Variants in STARD8 observed in about 807,000 individuals in gnomAD.
The protein encoded by STARD8 is stAR-related lipid transfer protein 8.
In STARD8, 25 loss-of-function variants were observed where a neutral mutation model predicts 69.4. The ratio of observed to expected loss-of-function variants is 0.36; its 90% CI spans 0.26 to 0.50. The LOEUF (loss-of-function observed/expected upper bound fraction) is 0.50. STARD8 is among the 20% of genes least tolerant of loss of function. The pLI, the probability that STARD8 is intolerant of heterozygous loss-of-function variation, is 0.96. For missense variants in STARD8, 921 were observed against 932.5 expected (o/e 0.99, Z 0.16); for synonymous variants, 389 against 374.6 (o/e 1.04, Z -0.45).
chrX:68,705,635 C>T lies in STARD8; in HGVS notation c.80-7279C>T, dbSNP rs769537929. The stretch of plus-strand genomic sequence containing the variant: ...GGGAGGGTGGGCTGCCCAGAGGGGC[C>T]GGAGGCCCCAGATAAGGCAGAGGCC... On this transcript the variant is annotated intron_variant, in intron 2 of 14. Coordinates refer to ENST00000374599, the MANE Select transcript of STARD8 (RefSeq NM_001142503.3). 1.8e-3 allele frequency among the ~76,000 whole-genome samples: 197 copies of T among 112,503 alleles called. 2 individuals carry two copies. Among genetic ancestry groups the T allele is most frequent in the Non-Finnish European group, 6.4e-4 (34 of 53,210 alleles).
In STARD8 at chrX:68,722,424, G is replaced by A. The variant is rs760937218; in HGVS notation, c.2577G>A (p.Val859=). The A allele has an allele frequency of 6.7e-6, 8 of 1,193,460 alleles. No individual in the cohort carries two copies. The East Asian group carries it at 2.4e-4, about 36-fold the overall frequency. ...CCATTGTGTGTGTGCCCTCTCAGGTGCCCCAGGACATGGTGCTGCAGCTGT... is the reference window on the plus strand; with the variant it reads ...CCATTGTGTGTGTGCCCTCTCAGGTACCCCAGGACATGGTGCTGCAGCTGT... ...MISDCKKLFQ[V]PQDMVLQLCS... is the part of the protein sequence containing the mutation. Residue 859 remains valine, a splice_region_variant and synonymous_variant, in exon 12 of 15, where the codon GTG becomes GTA. Coordinates refer to ENST00000374599, the MANE Select transcript of STARD8 (RefSeq NM_001142503.3).
intron 2 of STARD8, among the ~76,000 whole-genome samples, chrX:68,666,265 T>G (rs2079682537): frequency 8.9e-6 from 1 of 112,311 alleles, no homozygotes; most frequent in African/African-American, 3.2e-5. Context: ...TGGTATCAGC[T>G]GGGCTTTGCT....
rs2080184791 is a variant in STARD8 at position 68,724,694 on chromosome X, G to C, written c.*272G>C. 2 of 258,812 alleles carry C rather than the reference G, an allele frequency of 7.7e-6. No individual in the cohort carries two copies. The highest frequency in any genetic ancestry group is 1.4e-5 in the Non-Finnish European group (2 of 146,622). The allele number at this position is 258,812 out of a possible 1,213,427, so 21.3% of individuals were successfully genotyped here. On this transcript the variant is annotated 3_prime_UTR_variant, in exon 15 of 15. Coordinates refer to ENST00000374599, the MANE Select transcript of STARD8 (RefSeq NM_001142503.3). ...AGAGAATCGCATGAGTAGCAAGACTGCTGCCACCAGCCACCTGCTTGTGAG... is the reference window on the plus strand; with the variant it reads ...AGAGAATCGCATGAGTAGCAAGACTCCTGCCACCAGCCACCTGCTTGTGAG...
Position 68,724,457 on chromosome X carries a change from C to T in STARD8, c.*35C>T, listed in dbSNP as rs1310991084. On this transcript the variant is annotated 3_prime_UTR_variant, in exon 15 of 15. Transcript: ENST00000374599. Reference sequence around the variant, plus strand: ...TGGTCCCAGGGTGGCACCACCCAGGCCCCCTGGGCACCAAGGGAGCGAGGG... The same window carrying T: ...TGGTCCCAGGGTGGCACCACCCAGGTCCCCTGGGCACCAAGGGAGCGAGGG... 4.5e-6 allele frequency: 5 copies of T among 1,117,196 alleles called. No homozygotes were observed. The highest frequency in any genetic ancestry group is 6.1e-6 in the Non-Finnish European group (5 of 818,009). 92.1% of individuals were successfully genotyped at this position (1,117,196 alleles called of 1,213,427 possible). A position where few individuals can be genotyped will look rare whatever the true frequency, so the allele number is the denominator to read the frequency against.
chrX:68,699,225 G>A (rs1292079327), intron 2 of STARD8, among the ~76,000 whole-genome samples: 1 of 111,501 alleles, frequency 9.0e-6, no homozygotes, highest in Non-Finnish European at 1.9e-5. Context: ...TCACCTTTAT[G>A]CTCTCTCCCA....
rs777468588 is a variant in STARD8 at position 68,721,973 on chromosome X, G to C, written c.2460-74G>C. On this transcript the variant is annotated intron_variant, in intron 10 of 14. Coordinates refer to ENST00000374599, the MANE Select transcript of STARD8 (RefSeq NM_001142503.3). ...TGGCAAAGTGGCTTCCTGGCAGCTAGAAGGCAGCCTGTCTGCCATCTTGTC... is the reference window on the plus strand; with the variant it reads ...TGGCAAAGTGGCTTCCTGGCAGCTACAAGGCAGCCTGTCTGCCATCTTGTC... 1.6e-4 allele frequency: 165 copies of C among 1,005,967 alleles called. 1 individual carries two copies. In the African/African-American group the frequency reaches 2.9e-3, roughly 18 times the overall value. The allele number at this position is 1,005,967 out of a possible 1,213,427, so 82.9% of individuals were successfully genotyped here.
chrX:68,722,277 T>C (rs2080156759), intron 11 of STARD8, 116 bp downstream of exon 11: 1 of 810,432 alleles, frequency 1.2e-6, no homozygotes, highest in South Asian at 2.6e-5. Flanking sequence ...CTCAAGCTTA[T>C]ACCCCCAACT....
At chrX:68,714,450 C>T (rs939548689) in intron 3 of STARD8, among the ~76,000 whole-genome samples, 8 of 111,997 alleles carry the variant, frequency 7.1e-5, no homozygotes, top group Non-Finnish European at 1.1e-4. Context: ...GGACTCAGCT[C>T]GGATGTCACT....
At chrX:68,693,457 G>A (rs967182125) in intron 2 of STARD8, among the ~76,000 whole-genome samples, 1 of 112,794 alleles carries the variant, frequency 8.9e-6, no homozygotes, top group African/African-American at 3.2e-5. Context: ...CTCCCTGGCA[G>A]CGGTGTGACC....
intron 1 of STARD8, among the ~76,000 whole-genome samples, chrX:68,652,842 C>CA (rs1280284265): frequency 7.7e-5 from 3 of 38,893 alleles, no homozygotes; most frequent in South Asian, 1.7e-3. Flanking sequence ...CCCACACACA[C>CA]CCCCACACAC....
At chrX:68,659,447 A>G (rs949430559) in intron 1 of STARD8, among the ~76,000 whole-genome samples, 4 of 111,276 alleles carry the variant, frequency 3.6e-5, no homozygotes, top group Non-Finnish European at 7.5e-5. Flanking sequence ...CAATTTCCTC[A>G]TTCCTTCTAT....
At chrX:68,680,589 T>C (rs139139319) in intron 2 of STARD8, among the ~76,000 whole-genome samples, 5 of 112,352 alleles carry the variant, frequency 4.5e-5, no homozygotes, top group African/African-American at 1.6e-4. Context: ...TTTGCATGAA[T>C]GGACAGAGCC....
chrX:68,653,302 C>T (rs1287151498), intron 1 of STARD8, among the ~76,000 whole-genome samples: 1 of 63,953 alleles, frequency 1.6e-5, no homozygotes, highest in African/African-American at 6.2e-5. Flanking sequence ...ACACCACACA[C>T]ACACCACACC....
intron 1 of STARD8, among the ~76,000 whole-genome samples, chrX:68,663,983 A>G (rs2079666862): frequency 9.0e-6 from 1 of 111,352 alleles, no homozygotes; most frequent in Non-Finnish European, 1.9e-5. Context: ...GGTGGATCAG[A>G]CCTTTAGTCA....
chrX:68,665,579 G>C, intron 2 of STARD8, 47 bp downstream of exon 2: 1 of 1,179,289 alleles, frequency 8.5e-7, no homozygotes, highest in Middle Eastern at 2.4e-4. Context: ...AAGAGACTGA[G>C]CTTCTCAGTA....
In STARD8 at chrX:68,717,494, G is replaced by A. The variant is rs1199610401; in HGVS notation, c.580G>A (p.Glu194Lys). 1 of 1,210,856 alleles carries A rather than the reference G, an allele frequency of 8.3e-7. No individual in the cohort carries two copies. Among genetic ancestry groups the A allele is most frequent in the East Asian group, 3.0e-5 (1 of 33,820 alleles). ...CCTCCTCAGCCCCACCCAGGGCCAG[G>A]AGGGTCCCCAGGACAAAGCCAAGAA... ...RPLLSPTQGQ[E>K]GPQDKAKKRH... The change falls in exon 6 of 15, where the codon GAG becomes AAG. Residue 194 changes from glutamate (E) to lysine (K), a missense_variant. Physicochemically the swap from Glu to Lys is moderately conservative, Grantham distance 56 (BLOSUM62 1). Transcript: ENST00000374599.
chrX:68,704,497 A>G (rs1421867689), intron 2 of STARD8, among the ~76,000 whole-genome samples: 1 of 110,866 alleles, frequency 9.0e-6, no homozygotes, highest in Non-Finnish European at 1.9e-5. Context: ...GGAGGCTGGG[A>G]ACTTGGAGGG....
chrX:68,651,621 G>A (rs1020239257), intron 1 of STARD8, among the ~76,000 whole-genome samples: 3 of 110,667 alleles, frequency 2.7e-5, no homozygotes, highest in Non-Finnish European at 5.7e-5. Flanking sequence ...GTCCTGATAG[G>A]GAAACCGAGC....
chrX:68,668,479 G>A (rs140063809), intron 2 of STARD8, among the ~76,000 whole-genome samples: 1,295 of 108,724 alleles, frequency 0.012, 29 homozygotes, highest in African/African-American at 0.041. Context: ...GGGGTGCATC[G>A]CCACGCCCAG....
Sources: gnomAD v4.1 joint callset for allele counts (sites outside exome capture counted in the v4.1 genomes callset) on GRCh38, gnomAD v4.1.1 for gene constraint, MANE v1.5 for transcripts, NCBI Gene and HGNC (gene_info 2026-07-23, HGNC 2026-07-21) for gene names.